Variants in COL5A2 observed in about 807,000 individuals in gnomAD.
The protein encoded by COL5A2 is collagen alpha-2(V) chain.
COL5A2 carries 23 observed loss-of-function variants against 208.2 expected under a neutral mutation model. The ratio of observed to expected loss-of-function variants is 0.11; its 90% confidence interval spans 0.08 to 0.16. The LOEUF (loss-of-function observed/expected upper bound fraction) is 0.16, where lower values mean the gene tolerates loss of function less well. Among genes scored for constraint, COL5A2 ranks in the 10% least tolerant of loss-of-function variants. COL5A2 has a pLI of 1.00. For missense variants in COL5A2, 1,590 were observed against 1,956.4 expected, an observed-to-expected ratio of 0.81 and a Z score of 3.53; for synonymous variants, 625 against 628.5, an observed-to-expected ratio of 0.99 and a Z score of 0.08.
the COL5A2 span, among the ~76,000 whole-genome samples, chr2:189,390,933 C>T: frequency 1.3e-5 from 2 of 152,178 alleles, no homozygotes; most frequent in African/African-American, 4.8e-5. Context: ...CTGAGACTGT[C>T]ACATTGGAGT....
chr2:189,178,029 T>C (rs1365580253), intron 1 of COL5A2, among the ~76,000 whole-genome samples: 6 of 152,172 alleles, frequency 3.9e-5, no homozygotes, highest in Non-Finnish European at 8.8e-5. Context: ...ATTTCTATTG[T>C]AATTTTTCTG....
chr2:189,066,716 A>G lies in COL5A2; in HGVS notation c.1455+13T>C. 1 of 1,608,570 alleles carries G rather than the reference A, an allele frequency of 6.2e-7. No homozygotes were observed. The highest frequency in any genetic ancestry group is 1.1e-5 in the South Asian group (1 of 90,968). On this transcript the variant is annotated intron_variant, in intron 22 of 53. Transcript: ENST00000374866. ...ACTATGTTCTACTTATCATTAAAAC[A>G]ATGAAACCTTACTGGTTCCCCTTTT...
chr2:189,163,603 T>C (rs1210685091), intron 1 of COL5A2, among the ~76,000 whole-genome samples: 1 of 152,254 alleles, frequency 6.6e-6, no homozygotes, highest in African/African-American at 2.4e-5. Flanking sequence ...ACTACAAATC[T>C]GAATTGATCT....
At chr2:189,190,625 T>C (rs1688911233) in intron 1 of COL5A2, among the ~76,000 whole-genome samples, 1 of 152,232 alleles carries the variant, frequency 6.6e-6, no homozygotes, top group African/African-American at 2.4e-5. Flanking sequence ...TTCTACTCCA[T>C]TTTTATAAAT....
the COL5A2 span, among the ~76,000 whole-genome samples, chr2:189,358,146 T>G: frequency 6.6e-6 from 1 of 151,848 alleles, no homozygotes; most frequent in East Asian, 1.9e-4. Context: ...CGCTGGGAGC[T>G]GCAGACTGGA....
the COL5A2 span, among the ~76,000 whole-genome samples, chr2:189,391,311 G>A: frequency 6.6e-6 from 1 of 152,100 alleles, no homozygotes; most frequent in Admixed American, 6.6e-5. Context: ...TCAGTTTAAT[G>A]TTTGAGCTGC....
At chr2:189,122,328 T>C (rs1687520459) in intron 1 of COL5A2, among the ~76,000 whole-genome samples, 1 of 151,822 alleles carries the variant, frequency 6.6e-6, no homozygotes, top group Non-Finnish European at 1.5e-5. Context: ...CTTGAAAAAA[T>C]AGAAGGTATT....
chr2:189,214,217 G>A (rs572165892), intron 1 of COL5A2, among the ~76,000 whole-genome samples: 5 of 152,118 alleles, frequency 3.3e-5, no homozygotes, highest in Non-Finnish European at 5.9e-5. Context: ...AAAATATGAA[G>A]CCTGAACAAA....
the COL5A2 span, among the ~76,000 whole-genome samples, chr2:189,335,677 T>C: frequency 2.0e-5 from 3 of 152,144 alleles, no homozygotes; most frequent in Admixed American, 2.0e-4. Context: ...GATTGTATTA[T>C]TCCATTTATA....
At chr2:189,198,418 A>G (rs1559143789) in intron 1 of COL5A2, among the ~76,000 whole-genome samples, 1 of 152,178 alleles carries the variant, frequency 6.6e-6, no homozygotes, top group Non-Finnish European at 1.5e-5. Context: ...AAAACCATAT[A>G]TAATTTACGT....
chr2:189,237,688 C>A, the COL5A2 span, among the ~76,000 whole-genome samples: 55 of 151,938 alleles, frequency 3.6e-4, no homozygotes, highest in East Asian at 0.01. Context: ...ATAGACCAAA[C>A]AAATTTGCAA....
chr2:189,274,147 AAAT>A, the COL5A2 span, among the ~76,000 whole-genome samples: 4 of 152,162 alleles, frequency 2.6e-5, no homozygotes, highest in Non-Finnish European at 5.9e-5. Context: ...ATATTTTTTA[AAAT>A]AATGATAGAT....
chr2:189,057,052 G>A, intron 34 of COL5A2, 26 bp from the exon 35 acceptor site: 2 of 1,599,856 alleles, frequency 1.3e-6, no homozygotes, highest in East Asian at 4.5e-5. Flanking sequence ...AAATACAATT[G>A]ATTCATTTAA....
intron 1 of COL5A2, among the ~76,000 whole-genome samples, chr2:189,170,523 T>C (rs1272423612): frequency 2.0e-5 from 3 of 152,028 alleles, no homozygotes; most frequent in African/African-American, 4.8e-5. Flanking sequence ...AAAACATCAA[T>C]AGGCAGAGGG....
intron 45 of COL5A2, among the ~76,000 whole-genome samples, chr2:189,046,994 T>C (rs1211681813): frequency 6.6e-6 from 1 of 151,820 alleles, no homozygotes; most frequent in Non-Finnish European, 1.5e-5. Flanking sequence ...TGGTGGCACA[T>C]GCCTGCAGTC....
intron 1 of COL5A2, among the ~76,000 whole-genome samples, chr2:189,142,707 C>G (rs1458988625): frequency 1.3e-5 from 2 of 152,146 alleles, no homozygotes; most frequent in Non-Finnish European, 2.9e-5. Flanking sequence ...TGCAATCTAT[C>G]TTAAACATAG....
At chr2:189,039,670 T>A in intron 50 of COL5A2, 107 bp from the exon 51 acceptor site, 1 of 1,104,152 alleles carries the variant, frequency 9.1e-7, no homozygotes, top group Non-Finnish European at 1.3e-6. Context: ...AATTTGACAG[T>A]AAAGGGAGAT....
At chr2:189,132,016 G>T (rs1175495201) in intron 1 of COL5A2, among the ~76,000 whole-genome samples, 1 of 152,106 alleles carries the variant, frequency 6.6e-6, no homozygotes, top group East Asian at 1.9e-4. Context: ...TGATTATAAG[G>T]TATCTATTAA....
intron 43 of COL5A2, 57 bp from the exon 44 acceptor site, chr2:189,049,511 C>A: frequency 7.2e-7 from 1 of 1,391,046 alleles, no homozygotes; most frequent in East Asian, 2.4e-5. Flanking sequence ...ACGCTAGTTC[C>A]CATAAAGGCT....
Sources: allele counts gnomAD v4.1 joint callset (sites outside exome capture counted in the v4.1 genomes callset), GRCh38; gene constraint gnomAD v4.1.1; transcripts MANE v1.5; gene names NCBI Gene and HGNC (gene_info 2026-07-23, HGNC 2026-07-21).